DDHD2: variants seen among roughly 807,000 people sequenced by gnomAD.
DDHD2 encodes the protein DDHD domain containing 2, also known as triacylglycerol hydrolase DDHD2.
DDHD2 carries 62 observed loss-of-function variants against 91.2 expected under a neutral mutation model. That is an observed-to-expected ratio of 0.68 (90% confidence interval 0.55 to 0.84). DDHD2 has a LOEUF of 0.84. DDHD2 is among the 40% of genes least tolerant of loss of function. The pLI is 0.00. For missense variants in DDHD2, 740 were observed against 846.9 expected, an observed-to-expected ratio of 0.87 and a Z score of 1.57; for synonymous variants, 271 against 293.9, an observed-to-expected ratio of 0.92 and a Z score of 0.80.
intron 11 of DDHD2, 197 bp from the exon 12 acceptor site, chr8:38,251,715 C>G: frequency 2.0e-6 from 1 of 493,972 alleles, no homozygotes; most frequent in Non-Finnish European, 3.6e-6. Context: ...ACTATATAAT[C>G]CTTTGGCTAT....
At chr8:38,232,046 G>C (rs1804299498) in intron 1 of DDHD2, 187 bp downstream of exon 1, 1 of 152,698 alleles carries the variant, frequency 6.5e-6, no homozygotes, top group African/African-American at 2.4e-5. Context: ...TGCTGTCGCG[G>C]GGCTGCGGGC....
intron 16 of DDHD2, among the ~76,000 whole-genome samples, chr8:38,259,096 A>G (rs945067276): frequency 6.6e-6 from 1 of 152,144 alleles, no homozygotes; most frequent in African/African-American, 2.4e-5. Flanking sequence ...TTATGATTGT[A>G]TTACCTTTTC....
In DDHD2 at chr8:38,245,782, A is replaced by G; in HGVS notation, c.889A>G (p.Arg297Gly). The change falls in exon 8 of 18, where the codon AGG becomes GGG. Residue 297 changes from arginine (R) to glycine (G), a missense_variant. Physicochemically the swap from Arg to Gly is moderately radical, Grantham distance 125. Transcript: ENST00000397166. ...AACCCTGCCCAGCATTAACCGCCTC[A>G]GGCACTTCACCAATGACACAATTCT... is the stretch of plus-strand genomic sequence containing the variant. ...RITLPSINRL[R>G]HFTNDTILDV... 6.2e-7 allele frequency: 1 copy of G among 1,614,174 alleles called. No homozygotes were observed. Among genetic ancestry groups the G allele is most frequent in the Non-Finnish European group, 8.5e-7 (1 of 1,180,022 alleles).
At chr8:38,267,787 A>AGAT (rs1240633436), downstream of DDHD2, 47 of 1,122,504 alleles carry the variant, frequency 4.2e-5, no homozygotes, top group Admixed American at 9.1e-4. Flanking sequence ...ATCAGAGTGA[A>AGAT]GATAAAGGAG....
intron 16 of DDHD2, 70 bp downstream of exon 16, chr8:38,253,788 AAGG>A: frequency 2.0e-6 from 3 of 1,510,096 alleles, no homozygotes; most frequent in South Asian, 2.4e-5. Context: ...GATGTAGAAA[AAGG>A]AGGATAGGCC....
chr8:38,252,800 A>G lies in DDHD2; in HGVS notation c.1696A>G (p.Lys566Glu). 2.5e-6 allele frequency: 4 copies of G among 1,614,176 alleles called. No homozygotes were observed. Among genetic ancestry groups the G allele is most frequent in the Non-Finnish European group, 3.4e-6 (4 of 1,180,024 alleles). ...TGAGCCAATGCTGATCCCACATCAT[A>G]AAGGCAGGAAGCGGATGCACTTAGG... ...EFEPMLIPHH[K>E]GRKRMHLELR... Residue 566 changes from lysine (K) to glutamate (E), a missense_variant, in exon 14 of 18, where the codon AAA becomes GAA. This residue lies in a region of DDHD2 where 693 missense variants were observed against 764.2 expected (regional missense o/e 0.91). Transcript: ENST00000397166.
chr8:38,241,262 T>G (rs1244275076), intron 6 of DDHD2, among the ~76,000 whole-genome samples: 1 of 152,044 alleles, frequency 6.6e-6, no homozygotes, highest in Admixed American at 6.6e-5. Flanking sequence ...TGGGTGGTGC[T>G]TGTTTATAAG....
rs1257706640 is a variant in DDHD2, at chr8:38,252,265, G to GTTT, written c.1596_1598dup (p.Phe534dup). 2.5e-6 allele frequency: 4 copies of GTTT among 1,613,590 alleles called. No homozygotes were observed. The South Asian group carries it at 4.4e-5, about 18-fold the overall frequency. On this transcript the variant is annotated inframe_insertion, in exon 13 of 18. Transcript: ENST00000397166. Reference sequence around the variant, plus strand: ...AACTACAGATTTCCAACGTGCAAAGGTTTCTTCAATATTTATCACCCTGTA... The same window carrying GTTT: ...AACTACAGATTTCCAACGTGCAAAGGTTTTTTCTTCAATATTTATCACCCTGTA...
chr8:38,264,553 C>T (rs145636692), downstream of DDHD2: 67 of 1,581,560 alleles, frequency 4.2e-5, no homozygotes, highest in East Asian at 1.3e-3. Flanking sequence ...ATAATACTGC[C>T]GATAGCAGAC....
At chr8:38,264,149 CA>C, downstream of DDHD2, 3 of 1,029,820 alleles carry the variant, frequency 2.9e-6, no homozygotes, top group Non-Finnish European at 3.5e-6. Context: ...GAGATAGATT[CA>C]ATTTTTTTTT....
intron 17 of DDHD2, among the ~76,000 whole-genome samples, 193 bp from the exon 18 acceptor site, chr8:38,260,405 CAG>C (rs1806919686): frequency 6.6e-6 from 1 of 152,202 alleles, no homozygotes; most frequent in South Asian, 2.1e-4. Flanking sequence ...GATCTAAACT[CAG>C]AGTTTTAATG....
At chr8:38,265,264 CAAAA>C (rs1228103198), downstream of DDHD2, among the ~76,000 whole-genome samples, 5 of 71,008 alleles carry the variant, frequency 7.0e-5, no homozygotes, top group Admixed American at 1.5e-4. Flanking sequence ...GACTCTGTCT[CAAAA>C]AAAAAAAAAA....
chr8:38,269,406 C>CCAG (rs992459251), intron 1 of DDHD2, among the ~76,000 whole-genome samples: 6 of 152,248 alleles, frequency 3.9e-5, no homozygotes, highest in Admixed American at 3.3e-4. Context: ...CAGCAGGGAG[C>CCAG]CAGCGCCCCA....
At chr8:38,269,788 TAATC>T (rs1322959705) in intron 1 of DDHD2, 1 of 152,264 alleles carries the variant, frequency 6.6e-6, no homozygotes, top group Non-Finnish European at 1.5e-5. Flanking sequence ...CTTTCCAAAT[TAATC>T]CTCACGGAAG....
At chr8:38,240,943 C>T (rs987334866) in intron 6 of DDHD2, among the ~76,000 whole-genome samples, 47 of 151,964 alleles carry the variant, frequency 3.1e-4, no homozygotes, top group Middle Eastern at 3.4e-3. Context: ...CAGTGGCAGG[C>T]GCCTGTAATC....
rs1297926239 is a variant in DDHD2, at chr8:38,231,675, T to G, written c.-193T>G. ...CGCCGCCTCACCTTTTCGCCTGGCA[T>G]CCGGGCCCGCTACTCGCCCACTGGG... On this transcript the variant is annotated 5_prime_UTR_variant, in exon 1 of 18. Transcript: ENST00000397166. The G allele has an allele frequency of 6.6e-6, 1 of 152,188 alleles. No homozygotes were observed. Among genetic ancestry groups the G allele is most frequent in the Non-Finnish European group, 1.5e-5 (1 of 68,184 alleles). The allele number at this position is 152,188 out of a possible 1,614,324, so 9.4% of individuals were successfully genotyped here.
intron 7 of DDHD2, among the ~76,000 whole-genome samples, chr8:38,243,659 A>T (rs1338294423): frequency 6.6e-6 from 1 of 151,702 alleles, no homozygotes; most frequent in South Asian, 2.1e-4. Context: ...TTCAGTTTGT[A>T]TCTTTTTTTT....
Position 38,261,106 on chromosome 8 carries a change from C to T in DDHD2, c.*533C>T, listed in dbSNP as rs1306945186. On this transcript the variant is annotated 3_prime_UTR_variant, in exon 18 of 18. Coordinates refer to ENST00000397166, the MANE Select transcript of DDHD2 (RefSeq NM_015214.3). ...ACTTTTGGGTGATTTATTTTTGAAC[C>T]TGCATTTCTTTCTTATGTGTAGTGT... The T allele has an allele frequency of 2.0e-5, 3 of 152,098 alleles. No homozygotes were observed. In the East Asian group the frequency reaches 5.8e-4, roughly 29 times the overall value. The allele number at this position is 152,098 out of a possible 1,614,324, so 9.4% of individuals were successfully genotyped here. A position where few individuals can be genotyped will look rare whatever the true frequency, so the allele number is the denominator to read the frequency against.
At chr8:38,252,071 T>C in intron 12 of DDHD2, 43 bp downstream of exon 12, 2 of 1,612,704 alleles carry the variant, frequency 1.2e-6, no homozygotes, top group Non-Finnish European at 1.7e-6. Context: ...GCTATTTGTA[T>C]GGTAGAAACA....
Sources: allele counts gnomAD v4.1 joint callset (sites outside exome capture counted in the v4.1 genomes callset), GRCh38; gene constraint gnomAD v4.1.1; regional missense constraint gnomAD v4.1.1; transcripts MANE v1.5; gene names NCBI Gene and HGNC (gene_info 2026-07-23, HGNC 2026-07-21).